LOC128462377: variants seen among roughly 807,000 people sequenced by gnomAD.
chr16:89,384,472 A>G, the LOC128462377 span, among the ~76,000 whole-genome samples: 1 of 150,346 alleles, frequency 6.7e-6, no homozygotes, highest in Admixed American at 6.6e-5. Context: ...GGGACAGGAC[A>G]AGATGGGAAT....
At chr16:89,343,383 C>T in the LOC128462377 span, among the ~76,000 whole-genome samples, 2 of 152,210 alleles carry the variant, frequency 1.3e-5, no homozygotes, top group Non-Finnish European at 2.9e-5. Flanking sequence ...ATTGCTTAAA[C>T]TGAATTTGTG....
chr16:89,334,908 T>C, the LOC128462377 span, among the ~76,000 whole-genome samples: 2 of 152,042 alleles, frequency 1.3e-5, no homozygotes, highest in South Asian at 4.2e-4. Context: ...GCCTTCTGCA[T>C]GCATGAGGGC....
At chr16:89,389,532 C>T in the LOC128462377 span, among the ~76,000 whole-genome samples, 4 of 152,152 alleles carry the variant, frequency 2.6e-5, no homozygotes, top group South Asian at 8.3e-4. Flanking sequence ...ACTAAAAACA[C>T]GGAAGCTAGG....
chr16:89,407,678 CACACACATAG>C, the LOC128462377 span, among the ~76,000 whole-genome samples: 8 of 151,934 alleles, frequency 5.3e-5, no homozygotes, highest in East Asian at 3.9e-4. Flanking sequence ...TACACACACA[CACACACATAG>C]ACACACACAG....
the LOC128462377 span, among the ~76,000 whole-genome samples, chr16:89,354,744 T>C: frequency 6.6e-6 from 1 of 152,110 alleles, no homozygotes; most frequent in South Asian, 2.1e-4. Context: ...TAGCCGGGCA[T>C]GGTGGCGAGC....
chr16:89,408,583 A>C, the LOC128462377 span, among the ~76,000 whole-genome samples: 5 of 152,224 alleles, frequency 3.3e-5, no homozygotes, highest in African/African-American at 9.6e-5. Flanking sequence ...GCACTGCCCC[A>C]CACACACTCA....
chr16:89,331,481 T>C, the LOC128462377 span, among the ~76,000 whole-genome samples: 1 of 152,188 alleles, frequency 6.6e-6, no homozygotes, highest in Admixed American at 6.5e-5. Context: ...AGAATCTTAG[T>C]GTGTAGACCC....
the LOC128462377 span, among the ~76,000 whole-genome samples, chr16:89,393,211 T>C: frequency 6.6e-6 from 1 of 152,164 alleles, no homozygotes; most frequent in East Asian, 1.9e-4. Flanking sequence ...GCCAGCCTCA[T>C]TCACCTGTTC....
the LOC128462377 span, among the ~76,000 whole-genome samples, chr16:89,408,394 T>C: frequency 3.3e-5 from 5 of 152,232 alleles, no homozygotes; most frequent in African/African-American, 4.8e-5. Context: ...CAGCACCCAG[T>C]TGCCTGGGCA....
chr16:89,389,173 T>C, the LOC128462377 span, among the ~76,000 whole-genome samples: 1 of 151,946 alleles, frequency 6.6e-6, no homozygotes, highest in Non-Finnish European at 1.5e-5. Context: ...TACACGCCAC[T>C]ACGTCTGGCT....
At chr16:89,414,400 C>T in the LOC128462377 span, among the ~76,000 whole-genome samples, 1 of 152,148 alleles carries the variant, frequency 6.6e-6, no homozygotes, top group South Asian at 2.1e-4. Flanking sequence ...CTGGGAACCG[C>T]GTGCTGGGGT....
the LOC128462377 span, chr16:89,395,746 T>C: frequency 6.6e-6 from 1 of 152,188 alleles, no homozygotes; most frequent in Admixed American, 6.5e-5. Flanking sequence ...CTGAATAGCT[T>C]GGTACACTTG....
chr16:89,322,155 G>A, the LOC128462377 span, among the ~76,000 whole-genome samples: 16 of 152,202 alleles, frequency 1.1e-4, no homozygotes, highest in African/African-American at 3.6e-4. Flanking sequence ...ACAGGAGGCT[G>A]GCGCCCCCAA....
the LOC128462377 span, among the ~76,000 whole-genome samples, chr16:89,412,873 C>T: frequency 6.6e-6 from 1 of 152,326 alleles, no homozygotes; most frequent in East Asian, 1.9e-4. Flanking sequence ...CTCTCCATGC[C>T]TCCCAGGTCA....
chr16:89,329,379 A>G, the LOC128462377 span, among the ~76,000 whole-genome samples: 3 of 152,162 alleles, frequency 2.0e-5, no homozygotes, highest in Non-Finnish European at 2.9e-5. Flanking sequence ...GTGAGTCTAT[A>G]ATGATTTCAC....
At chr16:89,353,803 A>T in the LOC128462377 span, among the ~76,000 whole-genome samples, 2 of 152,196 alleles carry the variant, frequency 1.3e-5, no homozygotes, top group African/African-American at 2.4e-5. Context: ...TATGGAACAT[A>T]ATGTTTTTCA....
chr16:89,370,206 C>A, the LOC128462377 span, among the ~76,000 whole-genome samples: 164 of 152,362 alleles, frequency 1.1e-3, 2 homozygotes, highest in Non-Finnish European at 4.0e-4. Flanking sequence ...GGAGCTGCTT[C>A]TTCTCAGGAC....
chr16:89,405,016 TCTC>T, the LOC128462377 span, among the ~76,000 whole-genome samples: 9 of 151,894 alleles, frequency 5.9e-5, 1 homozygote, highest in Middle Eastern at 3.2e-3. Context: ...TCTAAAAACT[TCTC>T]CTCTCCCATC....
the LOC128462377 span, among the ~76,000 whole-genome samples, chr16:89,394,290 C>T: frequency 6.6e-6 from 1 of 152,354 alleles, no homozygotes; most frequent in South Asian, 2.1e-4. Flanking sequence ...CTCTCCTCCA[C>T]ACCTGCCACA....
Sources: gnomAD v4.1 joint callset for allele counts (sites outside exome capture counted in the v4.1 genomes callset) on GRCh38, gnomAD v4.1.1 for gene constraint, MANE v1.5 for transcripts.